The following TF variants were observed in gnomAD, a reference collection of about 807,000 sequenced individuals.
The protein encoded by TF is transferrin, also known as serotransferrin.
A neutral mutation model predicts 82.4 loss-of-function variants in TF; 55 were observed. The observed-to-expected ratio is 0.67, with a 90% confidence interval of 0.54 to 0.84. TF has a LOEUF of 0.84. Ranked by LOEUF, TF falls within the 40% of genes least tolerant of loss-of-function variation. The pLI is 0.00. For synonymous variants in TF, 332 were observed against 332.6 expected (o/e 1.00, Z 0.02); for missense variants, 737 against 868.4 (o/e 0.85, Z 1.90).
chr3:133,753,010 A>C lies in TF; in HGVS notation c.217-585A>C, dbSNP rs8177211. On this transcript the variant is annotated intron_variant, in intron 2 of 16. Transcript: ENST00000402696. The stretch of plus-strand genomic sequence containing the variant: ...AGGACAGGAAGGAAGAGCATTGAGT[A>C]CTGAGTCAGAGTGAAGACGAATGTT... Among the ~76,000 whole-genome samples, 565 of 152,340 alleles carry C rather than the reference A, an allele frequency of 3.7e-3. 2 individuals are homozygous for C. Among genetic ancestry groups the C allele is most frequent in the African/African-American group, 0.013 (520 of 41,576 alleles).
chr3:133,699,830 C>T, the TF span: 65 of 213,862 alleles, frequency 3.0e-4, no homozygotes, highest in African/African-American at 1.5e-3. Context: ...TCATCTGGAA[C>T]CACGAACCTG....
At chr3:133,740,633 T>C in the TF span, among the ~76,000 whole-genome samples, 2 of 152,104 alleles carry the variant, frequency 1.3e-5, no homozygotes, top group African/African-American at 4.8e-5. Context: ...GCCCAGCCTC[T>C]TTTGCATTTT....
At chr3:133,748,755 C>A in intron 2 of TF, 171 bp downstream of exon 2, 1 of 859,060 alleles carries the variant, frequency 1.2e-6, no homozygotes. Context: ...TTTAATGTGT[C>A]TGGAAAGCAA....
At chr3:133,767,893 T>C (rs1934164466) in intron 12 of TF, 136 bp from the exon 13 acceptor site, 2 of 1,095,034 alleles carry the variant, frequency 1.8e-6, no homozygotes, top group Non-Finnish European at 2.8e-6. Context: ...TGGCAAGTCC[T>C]GGGTTGGTGG....
chr3:133,759,729 A>G (rs1483348913), intron 9 of TF, among the ~76,000 whole-genome samples: 4 of 152,116 alleles, frequency 2.6e-5, no homozygotes, highest in Middle Eastern at 3.2e-3. Flanking sequence ...GGTGGCATGC[A>G]CCTGTAGTCC....
chr3:133,738,063 A>G, the TF span, among the ~76,000 whole-genome samples: 6 of 152,364 alleles, frequency 3.9e-5, no homozygotes, highest in Admixed American at 3.9e-4. Flanking sequence ...AAAATCTTCA[A>G]TAAAATACTG....
chr3:133,790,442 A>C lies in TF; in HGVS notation c.*11822A>C, dbSNP rs1576374860. On this transcript the variant is annotated 3_prime_UTR_variant, in exon 17 of 17. Transcript: ENST00000402696. ...ATAATTTAGAAGTTATCTAAAAGTT[A>C]GTTCAAATTACAGATTTGAAAAGGT... 1 of 152,334 alleles carries C rather than the reference A, an allele frequency of 6.6e-6. No homozygotes were observed. 9.4% of individuals were successfully genotyped at this position (152,334 alleles called of 1,614,324 possible).
chr3:133,727,499 A>T, the TF span, among the ~76,000 whole-genome samples: 212 of 110,326 alleles, frequency 1.9e-3, no homozygotes, highest in African/African-American at 7.2e-3. Context: ...TTTGTTTTCC[A>T]TTTGCTTGGT....
rs373065206 is a variant in TF, at chr3:133,757,957, G to A, written c.1048+11G>A. 384 of 1,613,770 alleles carry A rather than the reference G, an allele frequency of 2.4e-4. No individual in the cohort carries two copies. Among genetic ancestry groups the A allele is most frequent in the Non-Finnish European group, 3.1e-4 (370 of 1,179,942 alleles). On this transcript the variant is annotated intron_variant, in intron 8 of 16. Transcript: ENST00000402696. The stretch of plus-strand genomic sequence containing the variant: ...TACGGGAAGGCACATGTGAGTACCT[G>A]GGAAGAACCAGGTGACCACAAGCAC...
the TF span, among the ~76,000 whole-genome samples, chr3:133,706,819 A>G: frequency 1.3e-5 from 2 of 152,060 alleles, no homozygotes; most frequent in African/African-American, 4.8e-5. Flanking sequence ...TGGAGTGCAA[A>G]GTTGAGGCAT....
At chr3:133,752,908 C>T (rs1576356547) in intron 2 of TF, among the ~76,000 whole-genome samples, 1 of 152,146 alleles carries the variant, frequency 6.6e-6, no homozygotes, top group Admixed American at 6.5e-5. Flanking sequence ...TCATTCAGTA[C>T]ATAGTATCAC....
the TF span, among the ~76,000 whole-genome samples, chr3:133,733,353 T>A: frequency 6.6e-6 from 1 of 152,182 alleles, no homozygotes; most frequent in East Asian, 1.9e-4. Flanking sequence ...TGTGTCCCCA[T>A]CCCTGACTAC....
the TF span, among the ~76,000 whole-genome samples, chr3:133,703,819 C>T: frequency 6.6e-6 from 1 of 152,122 alleles, no homozygotes; most frequent in Non-Finnish European, 1.5e-5. Context: ...GAGTACAGTG[C>T]TAGTGGGATT....
the TF span, among the ~76,000 whole-genome samples, chr3:133,694,930 T>C: frequency 1.3e-5 from 2 of 151,790 alleles, no homozygotes; most frequent in South Asian, 2.1e-4. Context: ...TTTGGCTGCT[T>C]TCTAAGAGGA....
the TF span, among the ~76,000 whole-genome samples, chr3:133,713,559 C>T: frequency 0.027 from 4,143 of 152,278 alleles, 97 homozygotes; most frequent in African/African-American, 0.059. Flanking sequence ...CTTCATGCAT[C>T]GCTTGTCTTA....
At chr3:133,727,887 A>G in the TF span, among the ~76,000 whole-genome samples, 1 of 150,306 alleles carries the variant, frequency 6.7e-6, no homozygotes, top group East Asian at 2.0e-4. Flanking sequence ...TTGTCTGTAA[A>G]GTATTTTATT....
the TF span, among the ~76,000 whole-genome samples, chr3:133,685,083 AC>A: frequency 6.6e-6 from 1 of 152,200 alleles, no homozygotes; most frequent in South Asian, 2.1e-4. Flanking sequence ...CATCATATAA[AC>A]AGAACCAAAG....
At chr3:133,686,047 A>G in the TF span, among the ~76,000 whole-genome samples, 3 of 152,210 alleles carry the variant, frequency 2.0e-5, no homozygotes, top group Non-Finnish European at 4.4e-5. Flanking sequence ...AATACCACAC[A>G]TCTACAACCA....
In TF at chr3:133,794,747, C is replaced by T. The variant is rs907355452; in HGVS notation, c.*16127C>T. The T allele has an allele frequency of 7.9e-5, 12 of 152,120 alleles. No individual in the cohort carries two copies. Among genetic ancestry groups the T allele is most frequent in the African/African-American group, 1.4e-4 (6 of 41,408 alleles). The allele number at this position is 152,120 out of a possible 1,614,324, so 9.4% of individuals were successfully genotyped here. On this transcript the variant is annotated 3_prime_UTR_variant, in exon 17 of 17. Transcript: ENST00000402696. Reference sequence around the variant, plus strand: ...AAGCTAACCAGGGAAGTTTCTCTCCCGAAGAAGATGGCATCCTTGATGTGA... The same window carrying T: ...AAGCTAACCAGGGAAGTTTCTCTCCTGAAGAAGATGGCATCCTTGATGTGA...
Sources: gnomAD v4.1 joint callset for allele counts (sites outside exome capture counted in the v4.1 genomes callset) on GRCh38, gnomAD v4.1.1 for gene constraint, MANE v1.5 for transcripts, NCBI Gene and HGNC (gene_info 2026-07-23, HGNC 2026-07-21) for gene names.